Variants in AFF4 observed in about 807,000 individuals in gnomAD.
The protein encoded by AFF4 is ALF transcription elongation factor 4.
AFF4 carries 13 observed loss-of-function variants against 124.8 expected under a neutral mutation model. That is an observed-to-expected ratio of 0.10 (90% CI 0.07 to 0.17). The LOEUF (loss-of-function observed/expected upper bound fraction) is 0.17, where lower values mean the gene tolerates loss of function less well. Ranked by LOEUF, AFF4 falls within the 10% of genes least tolerant of loss-of-function variation. The pLI, the probability that AFF4 is intolerant of heterozygous loss-of-function variation, is 1.00. For synonymous variants in AFF4, 477 were observed against 496.1 expected (o/e 0.96, Z 0.51); for missense variants, 1,092 against 1,403.8 (o/e 0.78, Z 3.55).
intron 5 of AFF4, chr5:132,926,195 T>TA: frequency 4.2e-6 from 2 of 473,520 alleles, no homozygotes; most frequent in African/African-American, 2.0e-5. Context: ...TACATGAATA[T>TA]AAAAAAGACT....
intron 7 of AFF4, chr5:132,901,183 A>G: frequency 1.0e-6 from 1 of 982,828 alleles, no homozygotes; most frequent in East Asian, 1.1e-4. Context: ...TGATTTAACA[A>G]TGGCAGCTCA....
chr5:132,912,127 C>T (rs189841079), intron 5 of AFF4, among the ~76,000 whole-genome samples: 6 of 141,364 alleles, frequency 4.2e-5, no homozygotes, highest in African/African-American at 1.6e-4. Flanking sequence ...TGGAGGTTGG[C>T]GGATCACCTG....
At chr5:132,905,242 T>C (rs573903229) in intron 5 of AFF4, among the ~76,000 whole-genome samples, 2 of 152,220 alleles carry the variant, frequency 1.3e-5, no homozygotes, top group East Asian at 3.9e-4. Flanking sequence ...GAAGCACCAA[T>C]AGAAAGAAGC....
intron 5 of AFF4, among the ~76,000 whole-genome samples, chr5:132,923,371 G>GGA (rs72156570): frequency 0.017 from 2,456 of 148,416 alleles, 71 homozygotes; most frequent in African/African-American, 0.056. Context: ...AGGAAAGAAA[G>GGA]GAGAGAGAGA....
chr5:132,880,243 CT>C lies in AFF4; in HGVS notation c.*815del, dbSNP rs1759940739. On this transcript the variant is annotated 3_prime_UTR_variant, in exon 21 of 21. Coordinates refer to ENST00000265343, the MANE Select transcript of AFF4 (RefSeq NM_014423.4). The stretch of plus-strand genomic sequence containing the variant: ...AAAATCCGTAACGTTCAGGATTGTC[CT>C]TTTATGAAACCCTTCAACATGAAAT... 1 of 398,894 alleles carries C rather than the reference CT, an allele frequency of 2.5e-6. No individual in the cohort carries two copies. 24.7% of individuals were successfully genotyped at this position (398,894 alleles called of 1,614,324 possible).
At chr5:132,907,331 C>G (rs1036490522) in intron 5 of AFF4, among the ~76,000 whole-genome samples, 2 of 152,156 alleles carry the variant, frequency 1.3e-5, no homozygotes, top group Admixed American at 1.3e-4. Flanking sequence ...CATAGAACTT[C>G]CCAATGACTC....
chr5:132,920,164 C>G (rs1038183475), intron 5 of AFF4, among the ~76,000 whole-genome samples: 2 of 151,882 alleles, frequency 1.3e-5, no homozygotes, highest in Non-Finnish European at 2.9e-5. Flanking sequence ...ATTCCCCTGC[C>G]TCAGTCTCCC....
At chr5:132,925,186 T>A (rs1230109209) in intron 5 of AFF4, among the ~76,000 whole-genome samples, 1 of 146,578 alleles carries the variant, frequency 6.8e-6, no homozygotes, top group African/African-American at 2.7e-5. Context: ...GAAAAATAAA[T>A]AAATAAATAA....
chr5:132,930,649 C>CAA (rs547138672), intron 4 of AFF4, among the ~76,000 whole-genome samples: 62 of 147,010 alleles, frequency 4.2e-4, no homozygotes, highest in South Asian at 4.1e-3. Flanking sequence ...CAGGAGCTCA[C>CAA]AAAAAAAAAT....
chr5:132,885,260 G>C, intron 18 of AFF4, 141 bp from the exon 19 acceptor site: 1 of 469,126 alleles, frequency 2.1e-6, no homozygotes, highest in Non-Finnish European at 3.9e-6. Context: ...GTGTGTGTGT[G>C]TGTGTGTGTG....
intron 5 of AFF4, among the ~76,000 whole-genome samples, chr5:132,924,157 G>GGC (rs1157460328): frequency 6.6e-6 from 1 of 152,104 alleles, no homozygotes; most frequent in African/African-American, 2.4e-5. Context: ...AGGAGGCTGA[G>GGC]GCAGGAGAAT....
At chr5:132,962,388 G>T (rs1260650059) in intron 1 of AFF4, among the ~76,000 whole-genome samples, 2 of 152,142 alleles carry the variant, frequency 1.3e-5, no homozygotes, top group African/African-American at 4.8e-5. Context: ...GGAAGAAACC[G>T]CATAATTCTG....
intron 5 of AFF4, among the ~76,000 whole-genome samples, chr5:132,912,716 C>G (rs1181347552): frequency 1.3e-5 from 2 of 152,090 alleles, no homozygotes; most frequent in Non-Finnish European, 2.9e-5. Flanking sequence ...GCCATTTATA[C>G]TTTATGTGGA....
chr5:132,922,372 C>G (rs1308797005), intron 5 of AFF4, among the ~76,000 whole-genome samples: 2 of 151,856 alleles, frequency 1.3e-5, no homozygotes, highest in Non-Finnish European at 2.9e-5. Flanking sequence ...GAGCCATGAT[C>G]ATGCCACTGC....
chr5:132,940,897 G>A (rs1485938129), intron 1 of AFF4, among the ~76,000 whole-genome samples: 1 of 151,972 alleles, frequency 6.6e-6, no homozygotes, highest in African/African-American at 2.4e-5. Context: ...CATGGTGGCA[G>A]GTGCCTGTAA....
At chr5:132,884,179 T>C (rs750350393) in intron 19 of AFF4, among the ~76,000 whole-genome samples, 2 of 152,176 alleles carry the variant, frequency 1.3e-5, no homozygotes, top group East Asian at 1.9e-4. Context: ...TTCAAGACTA[T>C]GATCACACAC....
chr5:132,888,766 C>T (rs1419117522), intron 14 of AFF4, among the ~76,000 whole-genome samples: 1 of 151,868 alleles, frequency 6.6e-6, no homozygotes, highest in East Asian at 1.9e-4. Context: ...GGCACAATCT[C>T]GGCTCACTGC....
chr5:132,896,259 T>G, intron 11 of AFF4, 64 bp downstream of exon 11: 19 of 1,510,112 alleles, frequency 1.3e-5, no homozygotes, highest in Non-Finnish European at 1.6e-5. Context: ...TGTGGCTTAC[T>G]GAGATTTCCA....
chr5:132,939,673 C>T (rs1386293375), intron 1 of AFF4, among the ~76,000 whole-genome samples: 1 of 152,228 alleles, frequency 6.6e-6, no homozygotes, highest in African/African-American at 2.4e-5. Flanking sequence ...TGCGATGGCA[C>T]GATCTCGGCT....
Sources: gnomAD v4.1 joint callset for allele counts (sites outside exome capture counted in the v4.1 genomes callset) on GRCh38, gnomAD v4.1.1 for gene constraint, MANE v1.5 for transcripts, NCBI Gene and HGNC (gene_info 2026-07-23, HGNC 2026-07-21) for gene names.